DDX23: variants seen among roughly 807,000 people sequenced by gnomAD.
DDX23 encodes DEAD-box helicase 23, also known as probable ATP-dependent RNA helicase DDX23.
DDX23 carries 33 observed loss-of-function variants against 102.7 expected under a neutral mutation model. That is an observed-to-expected ratio of 0.32 (90% confidence interval 0.24 to 0.43). DDX23 has a LOEUF of 0.43. DDX23 is among the 20% of genes least tolerant of loss of function. The pLI is 1.00. For synonymous variants in DDX23, 352 were observed against 376.0 expected (o/e 0.94, Z 0.74); for missense variants, 549 against 1,086.6 (o/e 0.51, Z 6.96).
chr12:48,845,767 C>T lies in DDX23; in HGVS notation c.16G>A (p.Ala6Thr). Reference protein sequence around the residue: MAGELADKKDRDASPS... With the variant: MAGELTDKKDRDASPS... Reference sequence around the variant, plus strand: ...GATGCATCACGGTCCTTTTTGTCAGCCAGCTCTCCTGCCATCTGTAATGAG... The same window carrying T: ...GATGCATCACGGTCCTTTTTGTCAGTCAGCTCTCCTGCCATCTGTAATGAG... Residue 6 changes from alanine to threonine, a missense_variant, in exon 2 of 17, where the codon GCT becomes ACT. By Grantham distance (58) the Ala-to-Thr change is moderately conservative. Around this residue, in one of 4 missense-constraint regions of DDX23, gnomAD observed 241 missense variants for 267.0 expected, o/e 0.90. Coordinates refer to ENST00000308025, the MANE Select transcript of DDX23 (RefSeq NM_004818.3). 6.2e-7 allele frequency: 1 copy of T among 1,614,122 alleles called. No homozygotes were observed. Among genetic ancestry groups the T allele is most frequent in the Non-Finnish European group, 8.5e-7 (1 of 1,180,014 alleles).
chr12:48,837,339 G>A lies in DDX23; in HGVS notation c.808C>T (p.Arg270Trp), dbSNP rs766805135. The change falls in exon 8 of 17, where the codon CGG becomes TGG. Residue 270 changes from arginine (R) to tryptophan (W), a missense_variant. Physicochemically the swap from Arg to Trp is moderately radical, Grantham distance 101 (BLOSUM62 -3). This residue lies in a region of DDX23 where 270 missense variants were observed against 707.0 expected (regional missense o/e 0.38). Transcript: ENST00000308025. ...GCATCCCACTCAAAAACAAATTTCC[G>A]GTCATTGAGATGTCTCGTTCGGCGC... ...KRRRTRHLND[R>W]KFVFEWDASE... 6.2e-7 allele frequency: 1 copy of A among 1,614,016 alleles called. No homozygotes were observed. The highest frequency in any genetic ancestry group is 8.5e-7 in the Non-Finnish European group (1 of 1,180,034).
chr12:48,831,083 G>A, intron 16 of DDX23, 59 bp downstream of exon 16: 1 of 1,590,144 alleles, frequency 6.3e-7, no homozygotes, highest in South Asian at 1.1e-5. Context: ...GACTTCCAGT[G>A]GGACACCATA....
Position 48,830,985 on chromosome 12 carries a change from T to C in DDX23, c.2239+157A>G, listed in dbSNP as rs1938377427. ...GCTGGGACAACAAACCCAGGTAAGA[T>C]AAAGGACAGGAGTGCTTCTCATGGG... On this transcript the variant is annotated intron_variant, in intron 16 of 16. Coordinates refer to ENST00000308025, the MANE Select transcript of DDX23 (RefSeq NM_004818.3). The surrounding 1 kb of genome is among the most constrained non-coding windows in gnomAD (Gnocchi z 4.9). 6.6e-6 allele frequency among the ~76,000 whole-genome samples: 1 copy of C among 152,128 alleles called. No homozygotes were observed. Among genetic ancestry groups the C allele is most frequent in the South Asian group, 2.1e-4 (1 of 4,828 alleles).
chr12:48,841,768 T>C (rs1370557202), intron 3 of DDX23, among the ~76,000 whole-genome samples: 1 of 152,238 alleles, frequency 6.6e-6, no homozygotes, highest in Non-Finnish European at 1.5e-5. Context: ...CAGTGCTCAA[T>C]GGTGCCCAGG....
intron 3 of DDX23, among the ~76,000 whole-genome samples, chr12:48,841,173 G>A (rs1565677628): frequency 1.3e-5 from 2 of 151,998 alleles, no homozygotes; most frequent in African/African-American, 2.4e-5. Context: ...ATCACCTAAG[G>A]TCAAGAGTTC....
intron 1 of DDX23, among the ~76,000 whole-genome samples, chr12:48,846,690 A>G (rs1003444930): frequency 6.6e-6 from 1 of 152,236 alleles, no homozygotes; most frequent in African/African-American, 2.4e-5. Flanking sequence ...CTGTGAAACT[A>G]TAATTATTTC....
chr12:48,843,917 C>A (rs765258117), intron 3 of DDX23, 23 bp downstream of exon 3: 21 of 1,607,076 alleles, frequency 1.3e-5, no homozygotes, highest in South Asian at 1.1e-4. Context: ...TCCCCTAAAG[C>A]CCCCTCTCAT....
intron 11 of DDX23, chr12:48,834,849 G>A (rs950468616): frequency 2.0e-5 from 4 of 199,144 alleles, no homozygotes; most frequent in Admixed American, 5.4e-5. Context: ...CAGAAGAATC[G>A]CTTGAACCCA....
intron 2 of DDX23, 73 bp from the exon 3 acceptor site, chr12:48,844,123 T>C: frequency 7.3e-7 from 1 of 1,367,428 alleles, no homozygotes; most frequent in Non-Finnish European, 1.0e-6. Context: ...CCTGAGAAAG[T>C]TCCTATACTC....
chr12:48,832,008 T>A lies in DDX23; in HGVS notation c.2064+70A>T. ...AGGGTGAGACTTGAAAGGAAGAGCCTAGGGGGCCCTGCTAGATTCAGAAAG... is the reference window on the plus strand; with the variant it reads ...AGGGTGAGACTTGAAAGGAAGAGCCAAGGGGGCCCTGCTAGATTCAGAAAG... On this transcript the variant is annotated intron_variant, in intron 15 of 16. Coordinates refer to ENST00000308025, the MANE Select transcript of DDX23 (RefSeq NM_004818.3). This position sits in a 1 kb window ranked among gnomAD's most constrained non-coding sequence, Gnocchi z 4.4. 1 of 1,430,348 alleles carries A rather than the reference T, an allele frequency of 7.0e-7. No individual in the cohort carries two copies. The highest frequency in any genetic ancestry group is 9.8e-7 in the Non-Finnish European group (1 of 1,016,430). The allele number at this position is 1,430,348 out of a possible 1,614,324, so 88.6% of individuals were successfully genotyped here.
chr12:48,847,206 T>C (rs371338608), intron 1 of DDX23: 2 of 152,228 alleles, frequency 1.3e-5, no homozygotes, highest in African/African-American at 4.8e-5. Flanking sequence ...CAGTACATCA[T>C]GGCTATCACA....
At position 48,836,737 on chromosome 12, in the gene DDX23, A is replaced by G. The variant is rs147853446; in HGVS notation, c.1068T>C (p.His356=). The G allele has an allele frequency of 3.1e-6, 5 of 1,614,220 alleles. No individual in the cohort carries two copies. Among genetic ancestry groups the G allele is most frequent in the East Asian group, 2.2e-5 (1 of 44,870 alleles). Residue 356 remains histidine, a synonymous_variant, in exon 10 of 17, where the codon CAT becomes CAC. Transcript: ENST00000308025. The surrounding 1 kb of genome is among the most constrained non-coding windows in gnomAD (Gnocchi z 6.1). Reference sequence around the variant, plus strand: ...TCTCATCTAACTTTTTCTGAGACCAATGACGATCATCCCAGCGCTGCTTGG... The same window carrying G: ...TCTCATCTAACTTTTTCTGAGACCAGTGACGATCATCCCAGCGCTGCTTGG... The part of the protein sequence containing the change: ...KEAKQRWDDR[H]WSQKKLDEMT...
chr12:48,839,657 G>A, intron 5 of DDX23, 187 bp downstream of exon 5: 1 of 587,222 alleles, frequency 1.7e-6, no homozygotes, highest in Non-Finnish European at 3.0e-6. Flanking sequence ...GTGAAGAGCT[G>A]AGGAAGAAGA....
intron 11 of DDX23, 100 bp from the exon 12 acceptor site, chr12:48,834,597 T>C (rs1366319579): frequency 1.8e-6 from 2 of 1,121,780 alleles, no homozygotes; most frequent in Non-Finnish European, 2.6e-6. Context: ...GCAATGGGAA[T>C]GGGGAGGATG....
At chr12:48,846,457 G>A (rs1348677955) in intron 1 of DDX23, among the ~76,000 whole-genome samples, 2 of 152,156 alleles carry the variant, frequency 1.3e-5, no homozygotes, top group East Asian at 1.9e-4. Flanking sequence ...GCACTCATAC[G>A]TCTGAGAGAG....
At position 48,832,748 on chromosome 12, in the gene DDX23, G is replaced by T; in HGVS notation, c.1804-175C>A. 1.3e-6 allele frequency: 1 copy of T among 741,188 alleles called. No homozygotes were observed. Among genetic ancestry groups the T allele is most frequent in the Non-Finnish European group, 2.1e-6 (1 of 474,158 alleles). 45.9% of individuals were successfully genotyped at this position (741,188 alleles called of 1,614,324 possible). A position where few individuals can be genotyped will look rare whatever the true frequency, so the allele number is the denominator to read the frequency against. ...GAATTCCCATCCTTCCTGAGTACCT[G>T]CTCATCAAGGCACTTTCCATCTTAT... On this transcript the variant is annotated intron_variant, in intron 13 of 16. Coordinates refer to ENST00000308025, the MANE Select transcript of DDX23 (RefSeq NM_004818.3). The surrounding 1 kb of genome is among the most constrained non-coding windows in gnomAD (Gnocchi z 4.4).
Position 48,848,230 on chromosome 12 carries a change from G to A in DDX23, c.1-2448C>T, listed in dbSNP as rs186088269. Reference sequence around the variant, plus strand: ...GAACCCGGGAGGCAGAGCTTGCAGTGAGCCGAGATCATGCCACTGCACTCC... The same window carrying A: ...GAACCCGGGAGGCAGAGCTTGCAGTAAGCCGAGATCATGCCACTGCACTCC... On this transcript the variant is annotated intron_variant, in intron 1 of 16. Coordinates refer to ENST00000308025, the MANE Select transcript of DDX23 (RefSeq NM_004818.3). Among the ~76,000 whole-genome samples the A allele has an allele frequency of 6.0e-4, 91 of 151,580 alleles. No homozygotes were observed. In the East Asian group the frequency reaches 0.016, roughly 27 times the overall value.
At chr12:48,834,202 C>CAT (rs1938431675) in intron 12 of DDX23, 118 bp downstream of exon 12, 1 of 915,810 alleles carries the variant, frequency 1.1e-6, no homozygotes, top group South Asian at 1.8e-5. Context: ...ATAAATAGCA[C>CAT]ATATATATAA....
intron 1 of DDX23, among the ~76,000 whole-genome samples, chr12:48,848,811 G>C (rs1396171884): frequency 6.6e-6 from 1 of 150,888 alleles, no homozygotes; most frequent in African/African-American, 2.4e-5. Context: ...GAGTGCAATG[G>C]CATGATCTTG....
Sources: gnomAD v4.1 joint callset for allele counts (sites outside exome capture counted in the v4.1 genomes callset) on GRCh38, gnomAD v4.1.1 for gene constraint, gnomAD v4.1.1 regional missense constraint, Gnocchi (gnomAD v3.1) non-coding constraint, MANE v1.5 for transcripts, NCBI Gene and HGNC (gene_info 2026-07-23, HGNC 2026-07-21) for gene names.